The following LRRK2 variants were observed in gnomAD, a reference collection of about 807,000 sequenced individuals.
LRRK2 encodes the protein leucine rich repeat kinase 2.
A neutral mutation model predicts 302.6 loss-of-function variants in LRRK2; 203 were observed. The observed-to-expected ratio is 0.67, with a 90% CI of 0.60 to 0.75. The LOEUF (loss-of-function observed/expected upper bound fraction) is 0.75. LRRK2 is among the 30% of genes least tolerant of loss of function. LRRK2 has a pLI of 0.00. For missense variants in LRRK2, 2,830 were observed against 2,951.0 expected (o/e 0.96, Z 0.95); for synonymous variants, 1,066 against 1,031.9 (o/e 1.03, Z -0.63).
intron 13 of LRRK2, among the ~76,000 whole-genome samples, chr12:40,261,905 C>T (rs11564183): frequency 0.074 from 11,202 of 152,100 alleles, 503 homozygotes; most frequent in Admixed American, 0.15. Flanking sequence ...TGTACTTTTT[C>T]TCTTCTACTT....
intron 41 of LRRK2, 112 bp downstream of exon 41, chr12:40,340,566 G>A (rs1946009008): frequency 8.2e-6 from 9 of 1,103,254 alleles, no homozygotes; most frequent in Middle Eastern, 2.0e-4. Flanking sequence ...ATTGTGAACA[G>A]AGGTTTATTT....
intron 2 of LRRK2, 106 bp from the exon 3 acceptor site, chr12:40,232,168 T>G (rs1941232272): frequency 4.8e-6 from 4 of 826,290 alleles, no homozygotes; most frequent in Non-Finnish European, 8.4e-6. Flanking sequence ...TGTTTACAAG[T>G]GAGATAAGCA....
Position 40,235,653 on chromosome 12 carries a change from T to C in LRRK2, c.375T>C (p.His125=). ...HQLILKMLTV[H]NASVNLSVIG... ...TGATTCTTAAAATGCTAACAGTTCA[T>C]AATGCCAGTGTAAACTTGTCAGTGA... Residue 125 remains histidine, a synonymous_variant, in exon 4 of 51, where the codon CAT becomes CAC. Coordinates refer to ENST00000298910, the MANE Select transcript of LRRK2 (RefSeq NM_198578.4). 1 of 1,608,756 alleles carries C rather than the reference T, an allele frequency of 6.2e-7. No homozygotes were observed. Among genetic ancestry groups the C allele is most frequent in the East Asian group, 2.2e-5 (1 of 44,802 alleles).
intron 14 of LRRK2, among the ~76,000 whole-genome samples, chr12:40,266,530 A>G (rs1943021591): frequency 6.6e-6 from 1 of 152,138 alleles, no homozygotes; most frequent in Non-Finnish European, 1.5e-5. Context: ...GTGGAGAAAT[A>G]GGAACACTTT....
Position 40,346,745 on chromosome 12 carries a change from A to G in LRRK2, c.6110-8A>G, listed in dbSNP as rs372123443. On this transcript the variant is annotated splice_region_variant and splice_polypyrimidine_tract_variant and intron_variant, in intron 41 of 50. Coordinates refer to ENST00000298910, the MANE Select transcript of LRRK2 (RefSeq NM_198578.4). Reference sequence around the variant, plus strand: ...GTCATATTTATTATTTTATCTGCTTACTTTCAGGGTTTCGTGCACCTGAAG... The same window carrying G: ...GTCATATTTATTATTTTATCTGCTTGCTTTCAGGGTTTCGTGCACCTGAAG... The G allele has an allele frequency of 5.3e-5, 86 of 1,613,328 alleles. No homozygotes were observed. The highest frequency in any genetic ancestry group is 7.0e-5 in the Non-Finnish European group (82 of 1,179,636).
At chr12:40,320,325 A>G (rs991857918) in intron 34 of LRRK2, 150 bp downstream of exon 34, 7 of 632,456 alleles carry the variant, frequency 1.1e-5, no homozygotes, top group Non-Finnish European at 1.9e-5. Context: ...TGTATCATTT[A>G]TTTTGGAATA....
intron 46 of LRRK2, among the ~76,000 whole-genome samples, chr12:40,358,160 T>C (rs906886894): frequency 6.6e-6 from 1 of 152,092 alleles, no homozygotes; most frequent in African/African-American, 2.4e-5. Flanking sequence ...AGTTTGCAAA[T>C]ATTTCCTCAC....
chr12:40,351,749 C>T lies in LRRK2; in HGVS notation c.6576+16C>T. 1 of 1,611,280 alleles carries T rather than the reference C, an allele frequency of 6.2e-7. No individual in the cohort carries two copies. Among genetic ancestry groups the T allele is most frequent in the African/African-American group, 1.3e-5 (1 of 74,976 alleles). ...CACTTCTGAGGTAAATCCAAATGCT[C>T]TTTAAATCTTTCATAATTTAAAGCA... is the stretch of plus-strand genomic sequence containing the variant. On this transcript the variant is annotated intron_variant, in intron 44 of 50. Transcript: ENST00000298910.
chr12:40,325,448 G>A (rs1484699516), intron 38 of LRRK2, among the ~76,000 whole-genome samples: 2 of 152,164 alleles, frequency 1.3e-5, no homozygotes, highest in Non-Finnish European at 2.9e-5. Flanking sequence ...TTGAGCTGTT[G>A]CCATTTTGGC....
chr12:40,305,973 T>C lies in LRRK2; in HGVS notation c.3959+7T>C. 1 of 1,598,326 alleles carries C rather than the reference T, an allele frequency of 6.3e-7. No homozygotes were observed. The highest frequency in any genetic ancestry group is 8.6e-7 in the Non-Finnish European group (1 of 1,168,780). ...AAGCCAAAGACATCATAAGGTTAGATAATTTTTTTCTATTTGGTTTTACTA... is the reference window on the plus strand; with the variant it reads ...AAGCCAAAGACATCATAAGGTTAGACAATTTTTTTCTATTTGGTTTTACTA... On this transcript the variant is annotated splice_region_variant and intron_variant, in intron 28 of 50. Coordinates refer to ENST00000298910, the MANE Select transcript of LRRK2 (RefSeq NM_198578.4).
chr12:40,323,253 T>C lies in LRRK2; in HGVS notation c.5603T>C (p.Ile1868Thr). 1 of 1,613,250 alleles carries C rather than the reference T, an allele frequency of 6.2e-7. No homozygotes were observed. Among genetic ancestry groups the C allele is most frequent in the Non-Finnish European group, 8.5e-7 (1 of 1,179,430 alleles). The change falls in exon 38 of 51, where the codon ATT becomes ACT. Residue 1868 changes from isoleucine (I) to threonine (T), a missense_variant. By Grantham distance (89) the Ile-to-Thr change is moderately conservative. This residue lies in a region of LRRK2 where 253 missense variants were observed against 346.7 expected (regional missense o/e 0.73). Transcript: ENST00000298910. Reference sequence around the variant, plus strand: ...ATTTTGGCTGACCTGCCTAGAAATATTATGTTGAATAATGATGAGTTGGAA... The same window carrying C: ...ATTTTGGCTGACCTGCCTAGAAATACTATGTTGAATAATGATGAGTTGGAA... ...DLILADLPRN[I>T]MLNNDELEFE...
chr12:40,286,793 A>G (rs1943942443), intron 19 of LRRK2: 1 of 156,904 alleles, frequency 6.4e-6, no homozygotes, highest in Non-Finnish European at 1.4e-5. Flanking sequence ...AATGTAATGA[A>G]GTTGTGAGAA....
At position 40,295,466 on chromosome 12, in the gene LRRK2, G is replaced by A. The variant is rs75148313; in HGVS notation, c.2918G>A (p.Ser973Asn). Residue 973 changes from serine (S) to asparagine (N), a missense_variant, in exon 23 of 51, where the codon AGC becomes AAC. Physicochemically the swap from Ser to Asn is conservative, Grantham distance 46. This residue lies in a region of LRRK2 where 2,121 missense variants were observed against 2,148.0 expected (regional missense o/e 0.99). Coordinates refer to ENST00000298910, the MANE Select transcript of LRRK2 (RefSeq NM_198578.4). Reference protein sequence around the residue: ...KLQSHMRHSDSISSLASEREY... With the variant: ...KLQSHMRHSDNISSLASEREY... ...CAATCCCATATGAGGCATTCAGACA[G>A]CATTTCTTCTCTGGCTTCTGAGAGA... 3.7e-6 allele frequency: 6 copies of A among 1,613,544 alleles called. No homozygotes were observed. The highest frequency in any genetic ancestry group is 1.3e-5 in the African/African-American group (1 of 75,014).
At position 40,335,938 on chromosome 12, in the gene LRRK2, C is replaced by T. The variant is rs749759367; in HGVS notation, c.5948+781C>T. Among the ~76,000 whole-genome samples, 109 of 152,108 alleles carry T rather than the reference C, an allele frequency of 7.2e-4. 1 individual carries two copies. Among genetic ancestry groups the T allele is most frequent in the Non-Finnish European group, 1.6e-4 (11 of 68,020 alleles). On this transcript the variant is annotated intron_variant, in intron 40 of 50. Transcript: ENST00000298910. ...CAGCAAATCTTTTCAGCTCTGCCAC[C>T]AAAATATATCTTAATGCTTCTAACA...
At chr12:40,292,233 T>A (rs930108099) in intron 20 of LRRK2, among the ~76,000 whole-genome samples, 4 of 152,026 alleles carry the variant, frequency 2.6e-5, no homozygotes, top group African/African-American at 9.7e-5. Flanking sequence ...GCTCACATAA[T>A]TTGTTTCCCT....
At chr12:40,276,483 A>G (rs1244625902) in intron 16 of LRRK2, among the ~76,000 whole-genome samples, 3 of 152,208 alleles carry the variant, frequency 2.0e-5, no homozygotes, top group African/African-American at 7.2e-5. Flanking sequence ...TTTAGCTGAG[A>G]TGGGGTTTCG....
intron 50 of LRRK2, 178 bp from the exon 51 acceptor site, chr12:40,367,466 A>G: frequency 2.1e-6 from 1 of 483,772 alleles, no homozygotes. Context: ...TCTATAATGT[A>G]TTATAAAACT....
intron 30 of LRRK2, among the ~76,000 whole-genome samples, chr12:40,309,840 A>G (rs1944977207): frequency 6.6e-6 from 1 of 152,214 alleles, no homozygotes; most frequent in Non-Finnish European, 1.5e-5. Context: ...AGCTTGTGTC[A>G]GGACATTTAA....
intron 11 of LRRK2, among the ~76,000 whole-genome samples, chr12:40,255,467 C>T (rs147591706): frequency 9.2e-5 from 14 of 152,292 alleles, no homozygotes; most frequent in East Asian, 5.8e-4. Context: ...TAAAGTCTAA[C>T]GTGACTTTAT....
Sources: gnomAD v4.1 joint callset for allele counts (sites outside exome capture counted in the v4.1 genomes callset) on GRCh38, gnomAD v4.1.1 for gene constraint, gnomAD v4.1.1 regional missense constraint, MANE v1.5 for transcripts, NCBI Gene and HGNC (gene_info 2026-07-23, HGNC 2026-07-21) for gene names.